The following NFAT5 variants were observed in gnomAD, a reference collection of about 807,000 sequenced individuals.
NFAT5 encodes nuclear factor of activated T-cells 5.
In NFAT5, 31 loss-of-function variants were observed where a neutral mutation model predicts 166.5. That is an observed-to-expected ratio of 0.19 (90% CI 0.14 to 0.25). NFAT5 has a LOEUF of 0.25. NFAT5 is among the 10% of genes least tolerant of loss of function. The probability of loss-of-function intolerance (pLI) is 1.00; values close to 1 mark genes in which losing one functional copy is unlikely to be tolerated. For missense variants in NFAT5, 1,449 were observed against 1,821.8 expected (o/e 0.80, Z 3.72); for synonymous variants, 612 against 639.7 (o/e 0.96, Z 0.65).
At chr16:69,695,685 AT>A in intron 14 of NFAT5, 1 of 181,016 alleles carries the variant, frequency 5.5e-6, no homozygotes, top group Non-Finnish European at 1.1e-5. Flanking sequence ...CTACTAAAAA[AT>A]ACAAAAAAAA....
At chr16:69,644,877 T>G in intron 3 of NFAT5, 1 of 453,530 alleles carries the variant, frequency 2.2e-6, no homozygotes, top group Non-Finnish European at 4.4e-6. Flanking sequence ...GAAAGTTGCT[T>G]TATAGAAATA....
chr16:69,569,741 A>AT, intron 2 of NFAT5, among the ~76,000 whole-genome samples: 1 of 152,310 alleles, frequency 6.6e-6, no homozygotes, highest in Non-Finnish European at 1.5e-5. Context: ...TATCAGCTAA[A>AT]TTTTTTTAAC....
At chr16:69,581,767 T>C (rs1039722017) in intron 2 of NFAT5, among the ~76,000 whole-genome samples, 4 of 152,244 alleles carry the variant, frequency 2.6e-5, no homozygotes, top group Non-Finnish European at 5.9e-5. Flanking sequence ...TTCAAGGCTT[T>C]TGTGAACTTT....
Position 69,603,909 on chromosome 16 carries a change from G to A in NFAT5, c.128-22494G>A, listed in dbSNP as rs949435203. Among the ~76,000 whole-genome samples the A allele has an allele frequency of 8.5e-5, 13 of 152,230 alleles. No homozygotes were observed. In the South Asian group the frequency reaches 2.1e-3, roughly 24 times the overall value. On this transcript the variant is annotated intron_variant, in intron 2 of 14. Transcript: ENST00000349945. ...ATCACATGCAGCAGCTTTTGATGGT[G>A]GAGAGACTTAACAGTTAAAAATTTC...
chr16:69,678,145 G>A (rs1056241615), intron 10 of NFAT5, among the ~76,000 whole-genome samples: 6 of 151,748 alleles, frequency 4.0e-5, no homozygotes, highest in African/African-American at 7.3e-5. Flanking sequence ...GCGATAGAGC[G>A]AGACTGTCTC....
rs2034471864 is a variant in NFAT5 at position 69,626,610 on chromosome 16, T to C, written c.253+82T>C. The C allele has an allele frequency of 4.2e-6, 5 of 1,201,388 alleles. No homozygotes were observed. The Admixed American group carries it at 9.6e-5, about 23-fold the overall frequency. The allele number at this position is 1,201,388 out of a possible 1,614,324, so 74.4% of individuals were successfully genotyped here. On this transcript the variant is annotated intron_variant, in intron 3 of 14. Transcript: ENST00000349945. ...ACATGAACAGTGCTGGCAAAATTCA[T>C]ACTAAAAAGAGTGTGATTTGAGGGT...
At chr16:69,666,988 A>C (rs941272695) in intron 7 of NFAT5, among the ~76,000 whole-genome samples, 2 of 150,530 alleles carry the variant, frequency 1.3e-5, no homozygotes, top group African/African-American at 4.9e-5. Flanking sequence ...AATACTATGC[A>C]GCCATAAAAA....
rs181766876 is a variant in NFAT5 at position 69,692,390 on chromosome 16, T to G, written c.2565T>G (p.Ile855Met). Residue 855 changes from isoleucine (I) to methionine (M), a missense_variant, in exon 13 of 15, where the codon ATT becomes ATG. Physicochemically the swap from Ile to Met is conservative, Grantham distance 10. Transcript: ENST00000349945. ...SADIFQQVSQIQSGVSPGMFS... is the reference protein window; with the variant it reads ...SADIFQQVSQMQSGVSPGMFS... ...ATATTTTTCAACAAGTCAGTCAAAT[T>G]CAGAGTGGTGTAAGCCCTGGAATGT... is the stretch of plus-strand genomic sequence containing the variant. 6.2e-7 allele frequency: 1 copy of G among 1,614,214 alleles called. No homozygotes were observed. The highest frequency in any genetic ancestry group is 8.5e-7 in the Non-Finnish European group (1 of 1,180,038).
chr16:69,610,210 G>A (rs2033643782), intron 2 of NFAT5, among the ~76,000 whole-genome samples: 1 of 152,170 alleles, frequency 6.6e-6, no homozygotes, highest in Admixed American at 6.5e-5. Context: ...TAATGGGGTG[G>A]AAGTTGGAAG....
At chr16:69,609,383 T>G (rs537180290) in intron 2 of NFAT5, among the ~76,000 whole-genome samples, 6 of 152,292 alleles carry the variant, frequency 3.9e-5, no homozygotes, top group Non-Finnish European at 7.4e-5. Context: ...AGTCGGTCTG[T>G]GATGAAATCC....
At chr16:69,669,924 T>C (rs2036556811) in intron 7 of NFAT5, 53 bp from the exon 8 acceptor site, 13 of 1,483,620 alleles carry the variant, frequency 8.8e-6, no homozygotes, top group Non-Finnish European at 1.2e-5. Context: ...TGATTTTAGG[T>C]AAGAAATAAG....
At chr16:69,605,991 G>T (rs2033386923) in intron 2 of NFAT5, among the ~76,000 whole-genome samples, 1 of 152,178 alleles carries the variant, frequency 6.6e-6, no homozygotes, top group South Asian at 2.1e-4. Context: ...GGGATTACAG[G>T]CATGAGCCAC....
chr16:69,682,052 C>G (rs1392437900), intron 10 of NFAT5, among the ~76,000 whole-genome samples: 1 of 152,088 alleles, frequency 6.6e-6, no homozygotes, highest in African/African-American at 2.4e-5. Context: ...TACAGACCTT[C>G]TAACATCCCA....
chr16:69,589,404 G>A (rs1437907985), intron 2 of NFAT5, among the ~76,000 whole-genome samples: 1 of 152,184 alleles, frequency 6.6e-6, no homozygotes, highest in East Asian at 1.9e-4. Context: ...ACTGGATGGT[G>A]TGTCCTATGA....
intron 2 of NFAT5, among the ~76,000 whole-genome samples, chr16:69,603,908 T>A (rs1420606805): frequency 6.6e-6 from 1 of 152,206 alleles, no homozygotes; most frequent in Non-Finnish European, 1.5e-5. Flanking sequence ...CTTTTGATGG[T>A]GGAGAGACTT....
At chr16:69,582,899 A>G (rs2031791841) in intron 2 of NFAT5, among the ~76,000 whole-genome samples, 1 of 151,870 alleles carries the variant, frequency 6.6e-6, no homozygotes, top group South Asian at 2.1e-4. Context: ...AATTTCTACA[A>G]AGAAGTCAGC....
chr16:69,632,937 C>T (rs903211105), intron 3 of NFAT5, among the ~76,000 whole-genome samples: 1 of 152,092 alleles, frequency 6.6e-6, no homozygotes, highest in African/African-American at 2.4e-5. Context: ...AATCTCTACT[C>T]CTCCTTCTAT....
chr16:69,650,421 A>G (rs1456295964), intron 4 of NFAT5, among the ~76,000 whole-genome samples: 1 of 152,118 alleles, frequency 6.6e-6, no homozygotes, highest in Non-Finnish European at 1.5e-5. Flanking sequence ...TTAGAAAAAA[A>G]AGATAGTTTT....
rs2016064197 is a variant in NFAT5, at chr16:69,566,683, C to T, written c.73+309C>T. On this transcript the variant is annotated intron_variant, in intron 1 of 14. Coordinates refer to ENST00000349945, the MANE Select transcript of NFAT5 (RefSeq NM_138713.4). The surrounding 1 kb of genome is among the most constrained non-coding windows in gnomAD (Gnocchi z 5.7). ...GCCCGTCCGGCCCCGCCAGGCTCCG[C>T]GAGCCGCCGGCCCCGGCCTCCCGGG... Among the ~76,000 whole-genome samples the T allele has an allele frequency of 6.6e-6, 1 of 151,954 alleles. No individual in the cohort carries two copies.
Sources: gnomAD v4.1 joint callset for allele counts (sites outside exome capture counted in the v4.1 genomes callset) on GRCh38, gnomAD v4.1.1 for gene constraint, Gnocchi (gnomAD v3.1) non-coding constraint, MANE v1.5 for transcripts, NCBI Gene and HGNC (gene_info 2026-07-23, HGNC 2026-07-21) for gene names.